The following ATF7IP variants were observed in gnomAD, a reference collection of about 807,000 sequenced individuals.
ATF7IP encodes the protein activating transcription factor 7 interacting protein.
In ATF7IP, 23 loss-of-function variants were observed where a neutral mutation model predicts 106.4. The ratio of observed to expected loss-of-function variants is 0.22; its 90% CI spans 0.16 to 0.31. ATF7IP has a LOEUF of 0.31. Among genes scored for constraint, ATF7IP ranks in the 10% least tolerant of loss-of-function variants. The pLI, the probability that ATF7IP is intolerant of heterozygous loss-of-function variation, is 1.00. For synonymous variants in ATF7IP, 542 were observed against 539.0 expected, an observed-to-expected ratio of 1.01 and a Z score of -0.08; for missense variants, 1,334 against 1,524.3, an observed-to-expected ratio of 0.88 and a Z score of 2.08.
intron 13 of ATF7IP, among the ~76,000 whole-genome samples, chr12:14,482,884 G>A (rs1202138546): frequency 3.9e-5 from 6 of 151,980 alleles, no homozygotes; most frequent in East Asian, 1.9e-4. Flanking sequence ...TTGTACAACC[G>A]GAAACACACC....
At chr12:14,494,186 C>T (rs544542399) in intron 13 of ATF7IP, among the ~76,000 whole-genome samples, 3 of 149,402 alleles carry the variant, frequency 2.0e-5, no homozygotes, top group South Asian at 2.1e-4. Context: ...AACCCCAAAA[C>T]CAATGAAAGA....
chr12:14,483,387 G>A (rs923707842), intron 13 of ATF7IP, among the ~76,000 whole-genome samples: 1 of 152,106 alleles, frequency 6.6e-6, no homozygotes, highest in Non-Finnish European at 1.5e-5. Context: ...GGTAGTCCGG[G>A]ACAGTCACCA....
intron 13 of ATF7IP, among the ~76,000 whole-genome samples, chr12:14,488,684 TCTC>T (rs1484329858): frequency 1.3e-5 from 2 of 152,028 alleles, no homozygotes; most frequent in Non-Finnish European, 2.9e-5. Flanking sequence ...CCCATATACA[TCTC>T]CTAATATCAT....
intron 13 of ATF7IP, among the ~76,000 whole-genome samples, chr12:14,485,532 G>A (rs1565552840): frequency 6.6e-6 from 1 of 152,180 alleles, no homozygotes; most frequent in Non-Finnish European, 1.5e-5. Flanking sequence ...AGTGTCATCA[G>A]TGTAATGGAC....
chr12:14,433,109 CT>C (rs1383632947), intron 2 of ATF7IP, among the ~76,000 whole-genome samples: 2 of 152,148 alleles, frequency 1.3e-5, no homozygotes, highest in African/African-American at 2.4e-5. Flanking sequence ...TGGCTCACGC[CT>C]GTAATCCCAG....
intron 11 of ATF7IP, chr12:14,476,307 G>A (rs796665680): frequency 4.6e-5 from 8 of 172,770 alleles, no homozygotes; most frequent in African/African-American, 1.7e-4. Flanking sequence ...AGCTGCATGG[G>A]AGGCTGAGGC....
chr12:14,439,726 T>C (rs1260771602), intron 5 of ATF7IP, among the ~76,000 whole-genome samples: 1 of 152,068 alleles, frequency 6.6e-6, no homozygotes, highest in African/African-American at 2.4e-5. Context: ...CCAGCTACTT[T>C]GGAGGTTGAG....
At chr12:14,389,121 G>A (rs1048180782) in intron 1 of ATF7IP, among the ~76,000 whole-genome samples, 1 of 151,950 alleles carries the variant, frequency 6.6e-6, no homozygotes, top group African/African-American at 2.4e-5. Context: ...CAGTTTATTT[G>A]CCTCTCGAGT....
At chr12:14,423,574 C>CTTTTTTTTTTTTTTTTTTTT in intron 1 of ATF7IP, among the ~76,000 whole-genome samples, 1 of 34,428 alleles carries the variant, frequency 2.9e-5, no homozygotes, top group African/African-American at 1.5e-4. Flanking sequence ...TCTTCAGGTA[C>CTTTTTTTTTTTTTTTTTTTT]TTTTTTTTTT....
chr12:14,452,190 T>C (rs75515420), intron 6 of ATF7IP, among the ~76,000 whole-genome samples: 4,202 of 152,266 alleles, frequency 0.028, 95 homozygotes, highest in Non-Finnish European at 0.039. Flanking sequence ...ACCATTTGCA[T>C]GGTAATATTT....
At chr12:14,380,609 C>T (rs1172890316) in intron 1 of ATF7IP, among the ~76,000 whole-genome samples, 2 of 152,060 alleles carry the variant, frequency 1.3e-5, no homozygotes, top group African/African-American at 4.8e-5. Flanking sequence ...TGATATAGTA[C>T]TTTCAGGTTT....
At chr12:14,367,792 C>A (rs1216894655) in intron 1 of ATF7IP, among the ~76,000 whole-genome samples, 1 of 152,004 alleles carries the variant, frequency 6.6e-6, no homozygotes, top group Non-Finnish European at 1.5e-5. Flanking sequence ...CAGATATAAT[C>A]ATGTAAACTT....
intron 10 of ATF7IP, 33 bp downstream of exon 10, chr12:14,466,623 C>T (rs748117837): frequency 6.7e-7 from 1 of 1,482,850 alleles, no homozygotes; most frequent in Non-Finnish European, 9.2e-7. Context: ...AAAGTAAAAT[C>T]CTAATTATGG....
intron 1 of ATF7IP, among the ~76,000 whole-genome samples, chr12:14,372,691 GGAGA>G (rs749646858): frequency 6.6e-6 from 1 of 152,050 alleles, no homozygotes; most frequent in Non-Finnish European, 1.5e-5. Context: ...GCTGTATTTG[GGAGA>G]GAGGACCCCT....
intron 9 of ATF7IP, among the ~76,000 whole-genome samples, chr12:14,463,016 T>A (rs1784256638): frequency 6.6e-6 from 1 of 152,034 alleles, no homozygotes; most frequent in Non-Finnish European, 1.5e-5. Context: ...CTGACTTTAT[T>A]AATAAATTAT....
At chr12:14,434,456 G>A in intron 3 of ATF7IP, 33 bp downstream of exon 3, 1 of 1,098,938 alleles carries the variant, frequency 9.1e-7, no homozygotes, top group Non-Finnish European at 1.4e-6. Context: ...GAACTGGATT[G>A]AAAAATAATA....
chr12:14,495,452 G>T (rs1944984278), intron 13 of ATF7IP, among the ~76,000 whole-genome samples: 1 of 152,214 alleles, frequency 6.6e-6, no homozygotes, highest in Non-Finnish European at 1.5e-5. Flanking sequence ...CAAGAGCGTT[G>T]TCTGGGAAAA....
rs1195450328 is a variant in ATF7IP at position 14,460,536 on chromosome 12, A to C, written c.2200A>C (p.Ser734Arg). The change falls in exon 9 of 15, where the codon AGT becomes CGT. Residue 734 changes from serine to arginine, a missense_variant. Ser to Arg is a moderately radical substitution (Grantham distance 110). Coordinates refer to ENST00000261168, the MANE Select transcript of ATF7IP (RefSeq NM_018179.5). ...TGTCACTCCTCCAGCAGTTGTCAGT[A>C]GTCAACCTAAATTGCAGACTCCAGT... ...NLVTPPAVVS[S>R]QPKLQTPVTS... 6.2e-7 allele frequency: 1 copy of C among 1,614,176 alleles called. No individual in the cohort carries two copies. Among genetic ancestry groups the C allele is most frequent in the South Asian group, 1.1e-5 (1 of 91,082 alleles).
chr12:14,470,050 T>C (rs1276468010), intron 10 of ATF7IP, among the ~76,000 whole-genome samples: 2 of 152,182 alleles, frequency 1.3e-5, no homozygotes, highest in East Asian at 1.9e-4. Context: ...CTTCATTCAC[T>C]GTTCAGAGTG....
Sources: gnomAD v4.1 joint callset for allele counts (sites outside exome capture counted in the v4.1 genomes callset) on GRCh38, gnomAD v4.1.1 for gene constraint, MANE v1.5 for transcripts, NCBI Gene and HGNC (gene_info 2026-07-23, HGNC 2026-07-21) for gene names.